The following AHRR variants were observed in gnomAD, a reference collection of about 807,000 sequenced individuals.
AHRR encodes ahR repressor.
AHRR carries 28 observed loss-of-function variants against 44.0 expected under a neutral mutation model. That is an observed-to-expected ratio of 0.64 (90% CI 0.47 to 0.87). The LOEUF (loss-of-function observed/expected upper bound fraction) is 0.87. Ranked by LOEUF, AHRR falls within the 40% of genes least tolerant of loss-of-function variation. AHRR has a pLI of 0.00. For missense variants in AHRR, 990 were observed against 953.9 expected (o/e 1.04, Z -0.50); for synonymous variants, 434 against 407.0 (o/e 1.07, Z -0.80).
At chr5:408,035 C>T (rs1735336949) in intron 4 of AHRR, among the ~76,000 whole-genome samples, 1 of 152,220 alleles carries the variant, frequency 6.6e-6, no homozygotes, top group Non-Finnish European at 1.5e-5. Context: ...TAAAGGCTCA[C>T]ATGGAGAATG....
In AHRR at chr5:323,033, C is replaced by T. The variant is rs566681039; in HGVS notation, c.-11+1214C>T. On this transcript the variant is annotated intron_variant, in intron 1 of 10. Transcript: ENST00000684583. ...GTGGGGTTGGGAGGCCCCAGATGGCCCTGGCCGACCCCTCTGTCCCGTGTG... is the reference window on the plus strand; with the variant it reads ...GTGGGGTTGGGAGGCCCCAGATGGCTCTGGCCGACCCCTCTGTCCCGTGTG... Among the ~76,000 whole-genome samples the T allele has an allele frequency of 5.9e-5, 9 of 152,354 alleles. No homozygotes were observed. In the East Asian group the frequency reaches 1.5e-3, roughly 26 times the overall value.
Position 432,816 on chromosome 5 carries a change from CAG to C in AHRR, c.988_989del (p.Ser330ArgfsTer10). On this transcript the variant is annotated frameshift_variant, in exon 10 of 11. Coordinates refer to ENST00000684583, the MANE Select transcript of AHRR (RefSeq NM_001377236.1). ...TCTAAACCCCAACAGGAAGGAGCAGCAGAGAGAGCGGCGTTTTGGTGCTCAGG... is the reference window on the plus strand; with the variant it reads ...TCTAAACCCCAACAGGAAGGAGCAGCAGAGAGCGGCGTTTTGGTGCTCAGG... ...KPNYSAGRSSRESGVLVLREQ... is the reference protein window; with the variant it reads ...KPNYSAGRSSXESGVLVLREQ... 6.2e-7 allele frequency: 1 copy of C among 1,613,866 alleles called. No individual in the cohort carries two copies. The highest frequency in any genetic ancestry group is 8.5e-7 in the Non-Finnish European group (1 of 1,180,038).
At chr5:421,293 T>G (rs1736103257) in intron 5 of AHRR, 1 of 697,382 alleles carries the variant, frequency 1.4e-6, no homozygotes, top group Non-Finnish European at 2.6e-6. Context: ...GCGAGGCTGT[T>G]GCGCTGCAGG....
Position 434,508 on chromosome 5 carries a change from G to A in AHRR, c.1768G>A (p.Gly590Ser), listed in dbSNP as rs772631419. The change falls in exon 11 of 11, where the codon GGC becomes AGC. Residue 590 changes from glycine to serine, a missense_variant. Coordinates refer to ENST00000684583, the MANE Select transcript of AHRR (RefSeq NM_001377236.1). ...GGTGTACATCTCGCACCTGGGGCACGGCGTGCGGGGGGCTCAGCCCCATGG... is the reference window on the plus strand; with the variant it reads ...GGTGTACATCTCGCACCTGGGGCACAGCGTGCGGGGGGCTCAGCCCCATGG... ...QQVYISHLGH[G>S]VRGAQPHGRA... 1.3e-5 allele frequency: 21 copies of A among 1,612,418 alleles called. No individual in the cohort carries two copies. The highest frequency in any genetic ancestry group is 1.2e-4 in the Admixed American group (7 of 59,944).
At chr5:432,377 T>A in intron 8 of AHRR, 86 bp from the exon 9 acceptor site, 1 of 1,348,706 alleles carries the variant, frequency 7.4e-7, no homozygotes, top group Non-Finnish European at 1.1e-6. Flanking sequence ...CCTGTCATTA[T>A]TAATTTCTAC....
chr5:380,603 T>A (rs1037681262), intron 4 of AHRR, among the ~76,000 whole-genome samples: 11 of 152,250 alleles, frequency 7.2e-5, no homozygotes, highest in Admixed American at 1.3e-4. Flanking sequence ...GAGACTTTTT[T>A]AATTTCAATT....
rs559086108 is a variant in AHRR, at chr5:387,739, G to A, written c.351+11023G>A. 1.1e-4 allele frequency among the ~76,000 whole-genome samples: 17 copies of A among 152,350 alleles called. No individual in the cohort carries two copies. Among genetic ancestry groups the A allele is most frequent in the African/African-American group, 3.8e-4 (16 of 41,582 alleles). On this transcript the variant is annotated intron_variant, in intron 4 of 10. Coordinates refer to ENST00000684583, the MANE Select transcript of AHRR (RefSeq NM_001377236.1). This position sits in a 1 kb window ranked among gnomAD's most constrained non-coding sequence, Gnocchi z 5.1. ...TCTGAGTGTGATCGTGTGTCCATAC[G>A]CTGTACCTGCCGGAACTTGGCGACA...
Position 434,025 on chromosome 5 carries a change from A to G in AHRR, c.1285A>G (p.Met429Val), listed in dbSNP as rs375648963. ...GAATGACCCGCCCTCCCTGCGCCCC[A>G]TGCCCCGCGGCTCCTGCCTGCCCTG... is the stretch of plus-strand genomic sequence containing the variant. ...SKNDPPSLRP[M>V]PRGSCLPCPC... is the part of the protein sequence containing the mutation. The change falls in exon 11 of 11, where the codon ATG becomes GTG. Residue 429 changes from methionine (M) to valine (V), a missense_variant. Transcript: ENST00000684583. The G allele has an allele frequency of 1.1e-5, 18 of 1,599,162 alleles. No homozygotes were observed. Among genetic ancestry groups the G allele is most frequent in the Non-Finnish European group, 1.5e-5 (18 of 1,173,836 alleles).
In AHRR at chr5:337,469, C is replaced by G. The variant is rs1357825671; in HGVS notation, c.-10-6424C>G. On this transcript the variant is annotated intron_variant, in intron 1 of 10. Coordinates refer to ENST00000684583, the MANE Select transcript of AHRR (RefSeq NM_001377236.1). The surrounding 1 kb of genome is among the most constrained non-coding windows in gnomAD (Gnocchi z 4.1). Reference sequence around the variant, plus strand: ...TCTGGGCTCACTGCAGCCTTGACCTCCCAGGCTCAAGCGATACTCCTGCCT... The same window carrying G: ...TCTGGGCTCACTGCAGCCTTGACCTGCCAGGCTCAAGCGATACTCCTGCCT... Among the ~76,000 whole-genome samples the G allele has an allele frequency of 1.3e-5, 2 of 152,158 alleles. No homozygotes were observed. The highest frequency in any genetic ancestry group is 4.8e-5 in the African/African-American group (2 of 41,414).
At chr5:378,416 GTTTA>G (rs1238060445) in intron 4 of AHRR, among the ~76,000 whole-genome samples, 6 of 152,182 alleles carry the variant, frequency 3.9e-5, no homozygotes, top group Admixed American at 6.5e-5. Context: ...CAGCGCTTCT[GTTTA>G]TTTATTTATT....
At chr5:376,769 C>T (rs1000181466) in intron 4 of AHRR, 53 bp downstream of exon 4, 48 of 1,463,092 alleles carry the variant, frequency 3.3e-5, no homozygotes, top group Middle Eastern at 3.5e-4. Flanking sequence ...CTCCGTGTCA[C>T]GCGTGTTCAG....
At chr5:402,710 G>A (rs1286609391) in intron 4 of AHRR, among the ~76,000 whole-genome samples, 2 of 151,962 alleles carry the variant, frequency 1.3e-5, no homozygotes, top group Admixed American at 6.6e-5. Flanking sequence ...TCCATGCAAC[G>A]CAGCAGTCCC....
In AHRR at chr5:435,925, C is replaced by T. The variant is rs956366913; in HGVS notation, c.*1091C>T. ...AGTGAAGGTCACCAATCCACCAACCCGAGAACCTACAGCTGATGGTGCATT... is the reference window on the plus strand; with the variant it reads ...AGTGAAGGTCACCAATCCACCAACCTGAGAACCTACAGCTGATGGTGCATT... On this transcript the variant is annotated 3_prime_UTR_variant, in exon 11 of 11. Coordinates refer to ENST00000684583, the MANE Select transcript of AHRR (RefSeq NM_001377236.1). 3 of 152,784 alleles carry T rather than the reference C, an allele frequency of 2.0e-5. No individual in the cohort carries two copies. Among genetic ancestry groups the T allele is most frequent in the Non-Finnish European group, 4.4e-5 (3 of 68,066 alleles). 9.5% of individuals were successfully genotyped at this position (152,784 alleles called of 1,614,324 possible). A position where few individuals can be genotyped will look rare whatever the true frequency, so the allele number is the denominator to read the frequency against.
chr5:377,030 G>C (rs780843396), intron 4 of AHRR, among the ~76,000 whole-genome samples: 2 of 152,182 alleles, frequency 1.3e-5, no homozygotes, highest in African/African-American at 2.4e-5. Flanking sequence ...GTCGGTGAGA[G>C]AACCTTGTAC....
intron 4 of AHRR, among the ~76,000 whole-genome samples, chr5:396,647 T>C (rs1259671751): frequency 1.3e-5 from 2 of 152,184 alleles, no homozygotes; most frequent in Non-Finnish European, 2.9e-5. Flanking sequence ...TTCAAGTGGC[T>C]TTCATTTCAG....
intron 4 of AHRR, among the ~76,000 whole-genome samples, chr5:400,741 TA>T (rs932985656): frequency 6.6e-6 from 1 of 151,884 alleles, no homozygotes; most frequent in Admixed American, 6.6e-5. Context: ...TTATGGTCTT[TA>T]AAAAAAAATT....
chr5:389,495 G>A (rs945634071), intron 4 of AHRR, among the ~76,000 whole-genome samples: 3 of 152,168 alleles, frequency 2.0e-5, no homozygotes, highest in Non-Finnish European at 4.4e-5. Context: ...TGATGCAGCT[G>A]GACGTGCTTC....
intron 1 of AHRR, among the ~76,000 whole-genome samples, chr5:322,087 G>A (rs957631209): frequency 6.6e-5 from 10 of 151,922 alleles, no homozygotes; most frequent in Non-Finnish European, 1.3e-4. Context: ...AGAGTGTTCT[G>A]AGCCTTCACT....
intron 4 of AHRR, among the ~76,000 whole-genome samples, chr5:390,257 T>C (rs1734355547): frequency 1.3e-5 from 2 of 152,192 alleles, no homozygotes; most frequent in African/African-American, 2.4e-5. Flanking sequence ...CCATCCTCCA[T>C]GTGACCGTTA....
Sources: allele counts gnomAD v4.1 joint callset (sites outside exome capture counted in the v4.1 genomes callset), GRCh38; gene constraint gnomAD v4.1.1; non-coding constraint Gnocchi (gnomAD v3.1); transcripts MANE v1.5; gene names NCBI Gene and HGNC (gene_info 2026-07-23, HGNC 2026-07-21).